The following NCKAP5 variants were observed in gnomAD, a reference collection of about 807,000 sequenced individuals.
NCKAP5 encodes NCK associated protein 5.
In NCKAP5, 92 loss-of-function variants were observed where a neutral mutation model predicts 167.0. The observed-to-expected ratio is 0.55, with a 90% CI of 0.47 to 0.66. NCKAP5 has a LOEUF of 0.66. Among genes scored for constraint, NCKAP5 ranks in the 30% least tolerant of loss-of-function variants. The pLI, the probability that NCKAP5 is intolerant of heterozygous loss-of-function variation, is 0.00. For missense variants in NCKAP5, 2,378 were observed against 2,315.0 expected, an observed-to-expected ratio of 1.03 and a Z score of -0.56; for synonymous variants, 891 against 877.4, an observed-to-expected ratio of 1.02 and a Z score of -0.27.
chr2:133,348,694 C>T (rs977340794), intron 3 of NCKAP5, among the ~76,000 whole-genome samples: 3 of 152,162 alleles, frequency 2.0e-5, no homozygotes, highest in Admixed American at 6.5e-5. Context: ...TGACTCCCCC[C>T]TTCTCCATGC....
chr2:133,058,011 A>C (rs1275102866), intron 6 of NCKAP5, among the ~76,000 whole-genome samples: 5 of 152,198 alleles, frequency 3.3e-5, no homozygotes, highest in African/African-American at 1.2e-4. Context: ...ATTAAGCTAA[A>C]TCTACTCTGC....
At chr2:132,677,448 CAATCAAACTAATCT>C (rs1684637917) in intron 19 of NCKAP5, among the ~76,000 whole-genome samples, 4 of 152,102 alleles carry the variant, frequency 2.6e-5, no homozygotes, top group African/African-American at 9.7e-5. Flanking sequence ...AGCAGTCATT[CAATCAAACTAATCT>C]ACTATGTGAC....
chr2:133,617,349 G>A, the NCKAP5 span, among the ~76,000 whole-genome samples: 27 of 151,840 alleles, frequency 1.8e-4, no homozygotes, highest in Middle Eastern at 3.4e-3. Context: ...ATTAGGAAAA[G>A]AGGAAGTCAA....
At chr2:133,423,015 C>G (rs553111909) in intron 3 of NCKAP5, among the ~76,000 whole-genome samples, 11 of 152,218 alleles carry the variant, frequency 7.2e-5, no homozygotes, top group African/African-American at 2.6e-4. Flanking sequence ...CAAAACACAG[C>G]CTGGGGATCT....
intron 4 of NCKAP5, among the ~76,000 whole-genome samples, chr2:133,220,341 T>C (rs767701516): frequency 3.7e-4 from 56 of 152,172 alleles, no homozygotes; most frequent in Admixed American, 1.8e-3. Context: ...ATAAAGAAAA[T>C]ACAAACGATG....
intron 6 of NCKAP5, among the ~76,000 whole-genome samples, chr2:133,015,177 AT>A (rs567897687): frequency 1.2e-3 from 179 of 152,244 alleles, no homozygotes; most frequent in Non-Finnish European, 2.4e-3. Context: ...TACATAAATT[AT>A]CTCTTTTTTT....
At chr2:132,872,984 A>G (rs1284824349) in intron 9 of NCKAP5, among the ~76,000 whole-genome samples, 2 of 152,248 alleles carry the variant, frequency 1.3e-5, no homozygotes, top group African/African-American at 4.8e-5. Flanking sequence ...AGACATAATC[A>G]GCGAAACCAC....
In NCKAP5 at chr2:132,796,956, A is replaced by T. The variant is rs570508640; in HGVS notation, c.808-227T>A. On this transcript the variant is annotated intron_variant, in intron 11 of 19. Transcript: ENST00000409261. ...AATAGTGATGCTTTTACAGTCTGTC[A>T]GTCTGCCTTGGAAGATATGTAGTAG... is the stretch of plus-strand genomic sequence containing the variant. Among the ~76,000 whole-genome samples the T allele has an allele frequency of 4.6e-5, 7 of 152,346 alleles. No homozygotes were observed. In the South Asian group the frequency reaches 1.2e-3, roughly 27 times the overall value.
At chr2:133,069,246 A>G (rs1192891953) in intron 6 of NCKAP5, among the ~76,000 whole-genome samples, 1 of 152,214 alleles carries the variant, frequency 6.6e-6, no homozygotes, top group Non-Finnish European at 1.5e-5. Context: ...ATAGAAAATA[A>G]CATATACATG....
chr2:132,735,695 C>T (rs1306133138), intron 16 of NCKAP5, among the ~76,000 whole-genome samples: 1 of 152,212 alleles, frequency 6.6e-6, no homozygotes, highest in African/African-American at 2.4e-5. Context: ...ACATAGAGCA[C>T]TTAATCCAGT....
chr2:133,287,651 T>C (rs1346012845), intron 4 of NCKAP5, among the ~76,000 whole-genome samples: 1 of 152,188 alleles, frequency 6.6e-6, no homozygotes, highest in African/African-American at 2.4e-5. Flanking sequence ...GAGTCAATAC[T>C]AAGGTACATG....
intron 6 of NCKAP5, among the ~76,000 whole-genome samples, chr2:133,002,959 C>T (rs1365652445): frequency 6.6e-6 from 1 of 152,196 alleles, no homozygotes; most frequent in East Asian, 1.9e-4. Flanking sequence ...ACTGAAGGGG[C>T]TATGTCTTCA....
In NCKAP5 at chr2:132,868,140, C is replaced by T. The variant is rs541208437; in HGVS notation, c.687+796G>A. On this transcript the variant is annotated intron_variant, in intron 10 of 19. Transcript: ENST00000409261. The stretch of plus-strand genomic sequence containing the variant: ...CATTTATCACATCATCCTGAATATG[C>T]TGCAGGATCTAAAAGTTTCTTTTGG... Among the ~76,000 whole-genome samples, 210 of 152,240 alleles carry T rather than the reference C, an allele frequency of 1.4e-3. 1 individual carries two copies. The highest frequency in any genetic ancestry group is 4.8e-3 in the African/African-American group (198 of 41,528).
chr2:132,982,898 T>C (rs778296574), intron 7 of NCKAP5, among the ~76,000 whole-genome samples: 1 of 152,342 alleles, frequency 6.6e-6, no homozygotes, highest in South Asian at 2.1e-4. Flanking sequence ...TACAACATTT[T>C]CTTTATCCAG....
chr2:133,141,560 G>T (rs1295042113), intron 5 of NCKAP5, among the ~76,000 whole-genome samples: 1 of 152,124 alleles, frequency 6.6e-6, no homozygotes, highest in Non-Finnish European at 1.5e-5. Context: ...TAAAGTGGGA[G>T]AATAATTATA....
intron 4 of NCKAP5, among the ~76,000 whole-genome samples, chr2:133,276,340 G>A (rs570592831): frequency 6.6e-5 from 10 of 152,088 alleles, no homozygotes; most frequent in Non-Finnish European, 7.4e-5. Flanking sequence ...TGACTCTTCA[G>A]GGGTCAGCAC....
chr2:133,505,149 C>T (rs1333561791), intron 3 of NCKAP5, among the ~76,000 whole-genome samples: 1 of 152,116 alleles, frequency 6.6e-6, no homozygotes, highest in African/African-American at 2.4e-5. Flanking sequence ...TATAAATAGA[C>T]ACTGGCTGGG....
chr2:133,140,486 T>C (rs2082956600), intron 5 of NCKAP5, among the ~76,000 whole-genome samples: 1 of 152,166 alleles, frequency 6.6e-6, no homozygotes, highest in Non-Finnish European at 1.5e-5. Context: ...CTCGTTGTTC[T>C]CTGTTATGGA....
At chr2:133,105,646 A>T (rs531423874) in intron 6 of NCKAP5, among the ~76,000 whole-genome samples, 31 of 152,242 alleles carry the variant, frequency 2.0e-4, no homozygotes, top group South Asian at 8.3e-4. Flanking sequence ...GCATTCCACC[A>T]CACTAAACAG....
Sources: allele counts gnomAD v4.1 joint callset (sites outside exome capture counted in the v4.1 genomes callset), GRCh38; gene constraint gnomAD v4.1.1; transcripts MANE v1.5; gene names NCBI Gene and HGNC (gene_info 2026-07-23, HGNC 2026-07-21).